Variants in RALGPS1 observed in about 807,000 individuals in gnomAD.
The protein encoded by RALGPS1 is ras-specific guanine nucleotide-releasing factor RalGPS1.
RALGPS1 carries 19 observed loss-of-function variants against 78.8 expected under a neutral mutation model. The ratio of observed to expected loss-of-function variants is 0.24; its 90% CI spans 0.17 to 0.35. The LOEUF is 0.35. Among genes scored for constraint, RALGPS1 ranks in the 10% least tolerant of loss-of-function variants. The pLI is 1.00. For missense variants in RALGPS1, 454 were observed against 688.3 expected (o/e 0.66, Z 3.81); for synonymous variants, 228 against 256.3 (o/e 0.89, Z 1.06).
intron 7 of RALGPS1, among the ~76,000 whole-genome samples, chr9:127,055,791 T>C (rs1445476769): frequency 6.6e-6 from 1 of 152,186 alleles, no homozygotes; most frequent in African/African-American, 2.4e-5. Flanking sequence ...TTTTTTTATT[T>C]TTGTTTTTGT....
Position 126,933,172 on chromosome 9 carries a change from C to T in RALGPS1, c.-66+18197C>T, listed in dbSNP as rs188467334. Among the ~76,000 whole-genome samples the T allele has an allele frequency of 9.2e-5, 14 of 152,210 alleles. No homozygotes were observed. In the East Asian group the frequency reaches 2.7e-3, roughly 29 times the overall value. On this transcript the variant is annotated intron_variant, in intron 1 of 18. Transcript: ENST00000259351. ...GAAGAAAGGAGCCAGCAGGGGAGGC[C>T]AGAGACCAGCGAGGCTAAGGAAATG...
chr9:127,141,719 A>G (rs2057794694), intron 8 of RALGPS1, among the ~76,000 whole-genome samples: 1 of 152,008 alleles, frequency 6.6e-6, no homozygotes, highest in South Asian at 2.1e-4. Flanking sequence ...GCATAATCTC[A>G]GAATAAAGAA....
chr9:127,221,839 A>G lies in RALGPS1; in HGVS notation c.*3070A>G, dbSNP rs1156233646. On this transcript the variant is annotated 3_prime_UTR_variant, in exon 19 of 19. Transcript: ENST00000259351. ...GCCATTTTACAGGCGGAAATGCTCC[A>G]TGAAACAGGAAGCCACTTGCAAGCA... 6.6e-6 allele frequency: 1 copy of G among 152,212 alleles called. No individual in the cohort carries two copies. The highest frequency in any genetic ancestry group is 2.4e-5 in the African/African-American group (1 of 41,438). The allele number at this position is 152,212 out of a possible 1,614,324, so 9.4% of individuals were successfully genotyped here. A position where few individuals can be genotyped will look rare whatever the true frequency, so the allele number is the denominator to read the frequency against.
chr9:127,218,835 A>C lies in RALGPS1; in HGVS notation c.*66A>C. 6.5e-7 allele frequency: 1 copy of C among 1,548,322 alleles called. No homozygotes were observed. The highest frequency in any genetic ancestry group is 8.9e-7 in the Non-Finnish European group (1 of 1,120,156). On this transcript the variant is annotated 3_prime_UTR_variant, in exon 19 of 19. Coordinates refer to ENST00000259351, the MANE Select transcript of RALGPS1 (RefSeq NM_014636.3). This position sits in a 1 kb window ranked among gnomAD's most constrained non-coding sequence, Gnocchi z 4.4. ...ACCCAGGCTGGGCCTGGTGGTGAAG[A>C]GCAGTCCTGGGCACAGGCTGTGAGC...
intron 7 of RALGPS1, among the ~76,000 whole-genome samples, chr9:127,055,915 G>C (rs942656816): frequency 6.6e-6 from 1 of 152,218 alleles, no homozygotes; most frequent in Non-Finnish European, 1.5e-5. Context: ...TGCTGGCCTG[G>C]CACCTGGTTG....
At chr9:127,000,108 T>G (rs1275602155) in intron 4 of RALGPS1, among the ~76,000 whole-genome samples, 1 of 152,194 alleles carries the variant, frequency 6.6e-6, no homozygotes, top group Non-Finnish European at 1.5e-5. Flanking sequence ...TTTTTTCCCC[T>G]GGTCAGTCCA....
At chr9:126,915,919 A>C (rs2034112151) in intron 1 of RALGPS1, among the ~76,000 whole-genome samples, 1 of 152,098 alleles carries the variant, frequency 6.6e-6, no homozygotes, top group South Asian at 2.1e-4. Flanking sequence ...AGTGCGTCTC[A>C]AAAAGACTGA....
intron 8 of RALGPS1, among the ~76,000 whole-genome samples, chr9:127,136,064 CT>C (rs1410962351): frequency 6.6e-6 from 1 of 152,178 alleles, no homozygotes; most frequent in Non-Finnish European, 1.5e-5. Flanking sequence ...GTTTATACCC[CT>C]GGTGGATCCA....
At chr9:127,027,327 T>G (rs1029503533) in intron 4 of RALGPS1, among the ~76,000 whole-genome samples, 3 of 152,168 alleles carry the variant, frequency 2.0e-5, no homozygotes, top group African/African-American at 7.2e-5. Context: ...TGTTTTGAAC[T>G]TAATATGGAA....
rs1564741054 is a variant in RALGPS1 at position 127,183,482 on chromosome 9, CGTA to C, written c.910+8701_910+8703del. ...TGGGCCACCTCGGTCCACAGGAGGC[CGTA>C]CCTGTCCTCATTCTAACAGACCTGT... On this transcript the variant is annotated intron_variant, in intron 11 of 18. Coordinates refer to ENST00000259351, the MANE Select transcript of RALGPS1 (RefSeq NM_014636.3). The surrounding 1 kb of genome is among the most constrained non-coding windows in gnomAD (Gnocchi z 4.0). Among the ~76,000 whole-genome samples the C allele has an allele frequency of 6.6e-6, 1 of 152,174 alleles. No homozygotes were observed. The highest frequency in any genetic ancestry group is 2.4e-5 in the African/African-American group (1 of 41,422).
chr9:127,108,191 G>A, intron 8 of RALGPS1: 1 of 1,614,088 alleles, frequency 6.2e-7, no homozygotes, highest in Non-Finnish European at 8.5e-7. Context: ...TGGTACTTGT[G>A]CTCCAGGTCC....
intron 8 of RALGPS1, among the ~76,000 whole-genome samples, chr9:127,151,365 A>G (rs1224530112): frequency 3.9e-5 from 6 of 152,186 alleles, no homozygotes; most frequent in Admixed American, 2.0e-4. Context: ...CATAATTACT[A>G]AGGGAAAATA....
At chr9:127,149,161 G>C (rs895021984) in intron 8 of RALGPS1, among the ~76,000 whole-genome samples, 2 of 152,236 alleles carry the variant, frequency 1.3e-5, no homozygotes, top group African/African-American at 4.8e-5. Context: ...CCTGGCTCTA[G>C]AGCCCCACCC....
At chr9:127,037,259 T>C (rs536341901) in intron 5 of RALGPS1, among the ~76,000 whole-genome samples, 17 of 152,286 alleles carry the variant, frequency 1.1e-4, no homozygotes, top group African/African-American at 3.8e-4. Context: ...ATGTGCAAGG[T>C]TGGCCTTGTA....
At chr9:127,133,962 C>T (rs752894831) in intron 8 of RALGPS1, among the ~76,000 whole-genome samples, 1 of 151,810 alleles carries the variant, frequency 6.6e-6, no homozygotes, top group Non-Finnish European at 1.5e-5. Context: ...TAGGCTGCTC[C>T]GGATAATGCC....
At chr9:126,946,026 G>A (rs141664238) in intron 1 of RALGPS1, among the ~76,000 whole-genome samples, 58 of 152,302 alleles carry the variant, frequency 3.8e-4, no homozygotes, top group African/African-American at 1.2e-3. Flanking sequence ...ACCATAGAGG[G>A]ACGGGGCGCA....
intron 4 of RALGPS1, among the ~76,000 whole-genome samples, chr9:127,002,682 C>T (rs34641638): frequency 0.59 from 86,454 of 147,262 alleles, 29,211 homozygotes; most frequent in East Asian, 0.81. Context: ...CACCTATGAG[C>T]GAGAATATGT....
intron 8 of RALGPS1, among the ~76,000 whole-genome samples, chr9:127,101,626 A>G (rs1738579016): frequency 6.6e-6 from 1 of 152,190 alleles, no homozygotes; most frequent in Admixed American, 6.5e-5. Context: ...AACAGATGAT[A>G]ATCCACATCC....
rs2062774930 is a variant in RALGPS1, at chr9:127,221,526, T to C, written c.*2757T>C. ...TCTCTCAGTTGAACATGTTTTGTCA[T>C]TCAAGATCAGTCAGGTGCATTCTGG... is the stretch of plus-strand genomic sequence containing the variant. On this transcript the variant is annotated 3_prime_UTR_variant, in exon 19 of 19. Coordinates refer to ENST00000259351, the MANE Select transcript of RALGPS1 (RefSeq NM_014636.3). The C allele has an allele frequency of 6.6e-6, 1 of 152,160 alleles. No homozygotes were observed. Among genetic ancestry groups the C allele is most frequent in the Middle Eastern group, 3.2e-3 (1 of 316 alleles). 9.4% of individuals were successfully genotyped at this position (152,160 alleles called of 1,614,324 possible). A position where few individuals can be genotyped will look rare whatever the true frequency, so the allele number is the denominator to read the frequency against.
Sources: allele counts gnomAD v4.1 joint callset (sites outside exome capture counted in the v4.1 genomes callset), GRCh38; gene constraint gnomAD v4.1.1; non-coding constraint Gnocchi (gnomAD v3.1); transcripts MANE v1.5; gene names NCBI Gene and HGNC (gene_info 2026-07-23, HGNC 2026-07-21).